MGST2: variants seen among roughly 807,000 people sequenced by gnomAD.
MGST2 encodes microsomal glutathione S-transferase 2, also known as glutathione peroxidase MGST2.
In MGST2, 9 loss-of-function variants were observed where a neutral mutation model predicts 16.6. The observed-to-expected ratio is 0.54, with a 90% CI of 0.33 to 0.95. The LOEUF (loss-of-function observed/expected upper bound fraction) is 0.95, where lower values mean the gene tolerates loss of function less well. Ranked by LOEUF, MGST2 falls within the 40% of genes least tolerant of loss-of-function variation. The pLI, the probability that MGST2 is intolerant of heterozygous loss-of-function variation, is 0.03. For missense variants in MGST2, 159 were observed against 175.1 expected (o/e 0.91, Z 0.52); for synonymous variants, 79 against 68.0 (o/e 1.16, Z -0.79).
At chr4:139,743,968 G>C (rs898127323), downstream of MGST2, among the ~76,000 whole-genome samples, 2 of 152,220 alleles carry the variant, frequency 1.3e-5, no homozygotes, top group Non-Finnish European at 2.9e-5. Flanking sequence ...TATGGCCATA[G>C]AGTCCTGCCA....
At chr4:139,679,195 C>T (rs139491593) in intron 2 of MGST2, 41 of 157,366 alleles carry the variant, frequency 2.6e-4, no homozygotes, top group South Asian at 1.3e-3. Flanking sequence ...CCATAAACAC[C>T]GTGAACTTGC....
In MGST2 at chr4:139,670,161, G is replaced by A. The variant is rs541486165; in HGVS notation, c.58+4084G>A. Among the ~76,000 whole-genome samples the A allele has an allele frequency of 1.3e-3, 189 of 149,412 alleles. 2 individuals are homozygous for A. Among genetic ancestry groups the A allele is most frequent in the African/African-American group, 4.3e-3 (177 of 40,752 alleles). On this transcript the variant is annotated intron_variant, in intron 1 of 4. Coordinates refer to ENST00000265498, the MANE Select transcript of MGST2 (RefSeq NM_002413.5). ...TGCCTTGGTAGAGACCACAGGTTGA[G>A]ACAGGAGGCAGTGGAGAGGTCACAA...
rs991337895 is a variant in MGST2, at chr4:139,715,839, C to T, written c.*48+11643C>T. On this transcript the variant is annotated intron_variant, in intron 5 of 5. Transcript: ENST00000616265. This position sits in a 1 kb window ranked among gnomAD's most constrained non-coding sequence, Gnocchi z 4.4. ...TGTTTTATCAGCAAGGTCTTTATGC[C>T]GTGTATTTTGTGCTGAACTCCTATC... is the stretch of plus-strand genomic sequence containing the variant. Among the ~76,000 whole-genome samples, 15 of 152,012 alleles carry T rather than the reference C, an allele frequency of 9.9e-5. No individual in the cohort carries two copies. Among genetic ancestry groups the T allele is most frequent in the African/African-American group, 3.4e-4 (14 of 41,324 alleles).
chr4:139,728,810 C>T (rs544488695), intron 5 of MGST2, among the ~76,000 whole-genome samples: 19 of 152,196 alleles, frequency 1.2e-4, no homozygotes, highest in Non-Finnish European at 2.2e-4. Flanking sequence ...TCCCCAGGGT[C>T]GGGCTGGCCT....
chr4:139,669,366 G>A (rs1730544294), intron 1 of MGST2, among the ~76,000 whole-genome samples: 1 of 152,238 alleles, frequency 6.6e-6, no homozygotes, highest in African/African-American at 2.4e-5. Context: ...GGGACACCAT[G>A]TGCCATGGTT....
intron 1 of MGST2, among the ~76,000 whole-genome samples, chr4:139,673,604 G>T (rs1395208875): frequency 6.6e-6 from 1 of 152,156 alleles, no homozygotes; most frequent in South Asian, 2.1e-4. Context: ...TCTAGACATG[G>T]GTTCTCACTA....
chr4:139,666,131 T>C lies in MGST2; in HGVS notation c.58+54T>C. The C allele has an allele frequency of 1.3e-5, 20 of 1,558,476 alleles. 1 individual carries two copies. Among genetic ancestry groups the C allele is most frequent in the Non-Finnish European group, 1.5e-5 (17 of 1,131,142 alleles). ...GCGCGTGTGTGCGTGTGTGTGTGTG[T>C]GTGACAAGGCTTGCGGGAGAGAGAG... On this transcript the variant is annotated intron_variant, in intron 1 of 4. Coordinates refer to ENST00000265498, the MANE Select transcript of MGST2 (RefSeq NM_002413.5).
At chr4:139,748,969 C>T in the MGST2 span, among the ~76,000 whole-genome samples, 9 of 152,246 alleles carry the variant, frequency 5.9e-5, no homozygotes, top group Non-Finnish European at 8.8e-5. Flanking sequence ...AGTGTGGGCA[C>T]GATTGTGGCT....
chr4:139,739,766 G>A (rs1729095467), intron 5 of MGST2, among the ~76,000 whole-genome samples: 1 of 147,786 alleles, frequency 6.8e-6, no homozygotes, highest in African/African-American at 2.5e-5. Flanking sequence ...ACTAGCCACT[G>A]GATAGTCTTG....
intron 2 of MGST2, among the ~76,000 whole-genome samples, chr4:139,692,031 G>C (rs1454694462): frequency 6.6e-6 from 1 of 152,122 alleles, no homozygotes. Flanking sequence ...ATGATAGCAA[G>C]AAATGGGCAA....
At chr4:139,696,604 C>T (rs1223028335) in intron 3 of MGST2, among the ~76,000 whole-genome samples, 1 of 151,628 alleles carries the variant, frequency 6.6e-6, no homozygotes, top group African/African-American at 2.4e-5. Context: ...TCTTGAGACC[C>T]TTCATCCCCC....
intron 2 of MGST2, among the ~76,000 whole-genome samples, chr4:139,688,171 A>G (rs1377382): frequency 0.031 from 4,696 of 152,324 alleles, 182 homozygotes; most frequent in East Asian, 0.19. Context: ...ATTATTAAGC[A>G]TCTTTCATCT....
At chr4:139,667,790 G>T (rs1660140799) in intron 1 of MGST2, among the ~76,000 whole-genome samples, 1 of 152,028 alleles carries the variant, frequency 6.6e-6, no homozygotes, top group South Asian at 2.1e-4. Flanking sequence ...CCTGGGAGGG[G>T]GAGGTTGCAG....
At chr4:139,748,309 C>G in the MGST2 span, among the ~76,000 whole-genome samples, 2 of 152,094 alleles carry the variant, frequency 1.3e-5, no homozygotes, top group Non-Finnish European at 2.9e-5. Flanking sequence ...CACCAAGATG[C>G]CTATCACTTT....
At chr4:139,669,040 G>A (rs1257592715) in intron 1 of MGST2, among the ~76,000 whole-genome samples, 1 of 152,082 alleles carries the variant, frequency 6.6e-6, no homozygotes, top group Non-Finnish European at 1.5e-5. Context: ...GGTGTAGTTT[G>A]GACTAACATT....
the MGST2 span, among the ~76,000 whole-genome samples, chr4:139,753,370 A>G: frequency 6.6e-6 from 1 of 151,220 alleles, no homozygotes; most frequent in Admixed American, 6.6e-5. Context: ...CTATCTATCT[A>G]TCTATCTATC....
intron 2 of MGST2, among the ~76,000 whole-genome samples, chr4:139,680,936 C>T (rs1291122570): frequency 3.3e-5 from 5 of 152,110 alleles, no homozygotes; most frequent in African/African-American, 1.2e-4. Context: ...TAGCATTGTG[C>T]TTGTTGAGAG....
At chr4:139,712,670 C>G (rs542850693) in intron 5 of MGST2, among the ~76,000 whole-genome samples, 1 of 152,158 alleles carries the variant, frequency 6.6e-6, no homozygotes, top group Non-Finnish European at 1.5e-5. Context: ...CCCAAGATAA[C>G]TTGGGGCTCC....
At chr4:139,748,838 C>A in the MGST2 span, among the ~76,000 whole-genome samples, 1 of 152,178 alleles carries the variant, frequency 6.6e-6, no homozygotes, top group Non-Finnish European at 1.5e-5. Flanking sequence ...ATTTTGCCAG[C>A]GGCCATTTTC....
Sources: allele counts gnomAD v4.1 joint callset (sites outside exome capture counted in the v4.1 genomes callset), GRCh38; gene constraint gnomAD v4.1.1; non-coding constraint Gnocchi (gnomAD v3.1); transcripts MANE v1.5; gene names NCBI Gene and HGNC (gene_info 2026-07-23, HGNC 2026-07-21).